Variants in PSMD1 observed in about 807,000 individuals in gnomAD.
The protein encoded by PSMD1 is proteasome 26S subunit, non-ATPase 1, also known as 26S proteasome non-ATPase regulatory subunit 1.
In PSMD1, 18 loss-of-function variants were observed where a neutral mutation model predicts 119.0. The ratio of observed to expected loss-of-function variants is 0.15; its 90% CI spans 0.10 to 0.22. PSMD1 has a LOEUF of 0.22. PSMD1 is among the 10% of genes least tolerant of loss of function. The probability of loss-of-function intolerance (pLI) is 1.00; values close to 1 mark genes in which losing one functional copy is unlikely to be tolerated. For missense variants in PSMD1, 702 were observed against 1,158.5 expected, an observed-to-expected ratio of 0.61 and a Z score of 5.72; for synonymous variants, 374 against 396.6, an observed-to-expected ratio of 0.94 and a Z score of 0.68.
At chr2:231,094,658 A>C (rs1694683992) in intron 16 of PSMD1, among the ~76,000 whole-genome samples, 1 of 152,218 alleles carries the variant, frequency 6.6e-6, no homozygotes, top group African/African-American at 2.4e-5. Context: ...CCAAATTGCC[A>C]CTTTTCCATT....
chr2:231,100,149 G>T (rs1694828965), intron 16 of PSMD1, among the ~76,000 whole-genome samples: 1 of 152,144 alleles, frequency 6.6e-6, no homozygotes, highest in Admixed American at 6.5e-5. Flanking sequence ...TGCAATCATG[G>T]GCGAGCCCCC....
chr2:231,160,029 G>A lies in PSMD1; in HGVS notation c.2219-1311G>A, dbSNP rs574229722. Reference sequence around the variant, plus strand: ...CGCTCACCTCCTGCTCTGCAGCCAGGTTCCTAACAGGCCATGGACAGGTCT... The same window carrying A: ...CGCTCACCTCCTGCTCTGCAGCCAGATTCCTAACAGGCCATGGACAGGTCT... On this transcript the variant is annotated intron_variant, in intron 19 of 24. Coordinates refer to ENST00000308696, the MANE Select transcript of PSMD1 (RefSeq NM_002807.4). 3.3e-5 allele frequency among the ~76,000 whole-genome samples: 5 copies of A among 152,298 alleles called. No homozygotes were observed. In the South Asian group the frequency reaches 1.0e-3, roughly 32 times the overall value.
intron 5 of PSMD1, among the ~76,000 whole-genome samples, chr2:231,069,300 A>T (rs1693982416): frequency 6.6e-6 from 1 of 151,380 alleles, no homozygotes; most frequent in Non-Finnish European, 1.5e-5. Context: ...ACTACTTGTG[A>T]TATAACTCTG....
At chr2:231,119,151 A>G (rs1180005562) in intron 16 of PSMD1, among the ~76,000 whole-genome samples, 1 of 152,180 alleles carries the variant, frequency 6.6e-6, no homozygotes. Context: ...GGTTTTTAAA[A>G]TTTCCACTTT....
chr2:231,096,793 G>A lies in PSMD1; in HGVS notation c.1883+9612G>A, dbSNP rs182713891. Among the ~76,000 whole-genome samples the A allele has an allele frequency of 8.3e-4, 127 of 152,294 alleles. 2 individuals carry two copies. Among genetic ancestry groups the A allele is most frequent in the African/African-American group, 2.8e-3 (116 of 41,554 alleles). On this transcript the variant is annotated intron_variant, in intron 16 of 24. Transcript: ENST00000308696. ...TTTCCCTATTGGCTAGGGTTAGACCGCACAGGCTAAACTAATTCTGATTGG... is the reference window on the plus strand; with the variant it reads ...TTTCCCTATTGGCTAGGGTTAGACCACACAGGCTAAACTAATTCTGATTGG...
chr2:231,072,526 C>A, intron 7 of PSMD1, 111 bp downstream of exon 7: 1 of 949,846 alleles, frequency 1.1e-6, no homozygotes, highest in Non-Finnish European at 1.6e-6. Context: ...TTGCCACTAG[C>A]TTTCATAGAT....
Position 231,080,159 on chromosome 2 carries a change from T to C in PSMD1, c.1258T>C (p.Leu420=), listed in dbSNP as rs1046943194. Residue 420 remains leucine (L), a synonymous_variant, in exon 12 of 25, where the codon TTA becomes CTA. Coordinates refer to ENST00000308696, the MANE Select transcript of PSMD1 (RefSeq NM_002807.4). ...VIHKGHEKEA[L]QLMATYLPKD... is the part of the protein sequence containing the mutation. ...TTTACAGGGTCATGAAAAAGAAGCATTACAGTTAATGGCAACATACCTTCC... is the reference window on the plus strand; with the variant it reads ...TTTACAGGGTCATGAAAAAGAAGCACTACAGTTAATGGCAACATACCTTCC... The C allele has an allele frequency of 2.5e-6, 4 of 1,611,508 alleles. No homozygotes were observed. The Admixed American group carries it at 6.7e-5, about 27-fold the overall frequency.
chr2:231,111,887 T>G (rs1695168044), intron 16 of PSMD1, among the ~76,000 whole-genome samples: 2 of 152,222 alleles, frequency 1.3e-5, no homozygotes, highest in Non-Finnish European at 2.9e-5. Context: ...TGTTTATATG[T>G]CCGCCTTTCT....
intron 12 of PSMD1, 88 bp from the exon 13 acceptor site, chr2:231,082,795 A>T: frequency 2.1e-6 from 2 of 950,682 alleles, no homozygotes; most frequent in Non-Finnish European, 1.6e-6. Context: ...CTGCATATTT[A>T]ATGTGAAACT....
intron 16 of PSMD1, among the ~76,000 whole-genome samples, chr2:231,089,279 T>A (rs1694528177): frequency 6.6e-6 from 1 of 152,172 alleles, no homozygotes; most frequent in Non-Finnish European, 1.5e-5. Flanking sequence ...TTGATGAAGG[T>A]GGCTATCCTA....
intron 16 of PSMD1, chr2:231,109,204 G>C (rs1274146820): frequency 6.2e-7 from 1 of 1,614,188 alleles, no homozygotes; most frequent in East Asian, 2.2e-5. Context: ...GAGGTGGCTT[G>C]TTTTTGACTA....
At chr2:231,072,671 C>T (rs1217416343) in intron 7 of PSMD1, among the ~76,000 whole-genome samples, 1 of 151,704 alleles carries the variant, frequency 6.6e-6, no homozygotes, top group African/African-American at 2.4e-5. Context: ...AACATGTGTA[C>T]TATTTAATCA....
chr2:231,066,833 A>G, intron 4 of PSMD1, 73 bp from the exon 5 acceptor site: 2 of 1,214,564 alleles, frequency 1.6e-6, no homozygotes, highest in Non-Finnish European at 2.3e-6. Flanking sequence ...ATATGATTAT[A>G]AATATAGGCA....
intron 16 of PSMD1, among the ~76,000 whole-genome samples, chr2:231,102,400 T>C (rs1694889591): frequency 6.6e-6 from 1 of 152,154 alleles, no homozygotes; most frequent in South Asian, 2.1e-4. Flanking sequence ...CTGTCGAAAA[T>C]TCACGTATAA....
intron 15 of PSMD1, among the ~76,000 whole-genome samples, chr2:231,086,863 GC>G (rs1694462721): frequency 6.6e-6 from 1 of 152,134 alleles, no homozygotes; most frequent in Admixed American, 6.5e-5. Context: ...GATCTCCTGA[GC>G]CCCAGAAGTT....
intron 17 of PSMD1, among the ~76,000 whole-genome samples, chr2:231,142,409 AT>A (rs1696146068): frequency 6.6e-6 from 1 of 152,154 alleles, no homozygotes; most frequent in Non-Finnish European, 1.5e-5. Flanking sequence ...TTAAGTTGAC[AT>A]TTATGTCAGG....
At chr2:231,113,831 C>A in intron 16 of PSMD1, 1 of 1,614,108 alleles carries the variant, frequency 6.2e-7, no homozygotes, top group Non-Finnish European at 8.5e-7. Context: ...TAACGATCCA[C>A]TGAAATGGCA....
At position 231,141,196 on chromosome 2, in the gene PSMD1, C is replaced by T. The variant is rs991853014; in HGVS notation, c.1998+2346C>T. On this transcript the variant is annotated intron_variant, in intron 17 of 24. Coordinates refer to ENST00000308696, the MANE Select transcript of PSMD1 (RefSeq NM_002807.4). The stretch of plus-strand genomic sequence containing the variant: ...GCAGGTGCCTGTAATCCCAGATACT[C>T]GGGAGGCTGAGGCAGAATTGCTTGA... Among the ~76,000 whole-genome samples the T allele has an allele frequency of 4.0e-5, 6 of 151,324 alleles. No homozygotes were observed. In the South Asian group the frequency reaches 1.0e-3, roughly 26 times the overall value.
At chr2:231,098,091 G>T in intron 16 of PSMD1, among the ~76,000 whole-genome samples, 1 of 152,244 alleles carries the variant, frequency 6.6e-6, no homozygotes, top group Non-Finnish European at 1.5e-5. Flanking sequence ...GGGCTGACCC[G>T]CAGGGTGCCG....
Sources: gnomAD v4.1 joint callset for allele counts (sites outside exome capture counted in the v4.1 genomes callset) on GRCh38, gnomAD v4.1.1 for gene constraint, MANE v1.5 for transcripts, NCBI Gene and HGNC (gene_info 2026-07-23, HGNC 2026-07-21) for gene names.